The following TMEFF1 variants were observed in gnomAD, a reference collection of about 807,000 sequenced individuals.
TMEFF1 encodes transmembrane protein with EGF like and two follistatin like domains 1.
TMEFF1 carries 20 observed loss-of-function variants against 47.5 expected under a neutral mutation model. The observed-to-expected ratio is 0.42, with a 90% confidence interval of 0.30 to 0.61. The LOEUF (loss-of-function observed/expected upper bound fraction) is 0.61, where lower values mean the gene tolerates loss of function less well. TMEFF1 is among the 20% of genes least tolerant of loss of function. The pLI, the probability that TMEFF1 is intolerant of heterozygous loss-of-function variation, is 0.19. For synonymous variants in TMEFF1, 162 were observed against 166.3 expected, an observed-to-expected ratio of 0.97 and a Z score of 0.20; for missense variants, 411 against 471.1, an observed-to-expected ratio of 0.87 and a Z score of 1.18.
At chr9:100,562,304 T>G (rs528342052) in intron 8 of TMEFF1, among the ~76,000 whole-genome samples, 14 of 152,284 alleles carry the variant, frequency 9.2e-5, no homozygotes, top group African/African-American at 2.9e-4. Context: ...ACTATACTTT[T>G]CTTTTGTTTG....
chr9:100,516,602 T>G, intron 4 of TMEFF1, 73 bp from the exon 5 acceptor site: 2 of 1,552,358 alleles, frequency 1.3e-6, no homozygotes, highest in Non-Finnish European at 1.7e-6. Flanking sequence ...GGATAATGAC[T>G]GCTGAAAACA....
intron 7 of TMEFF1, among the ~76,000 whole-genome samples, chr9:100,555,162 G>C (rs1036625898): frequency 4.2e-5 from 6 of 144,480 alleles, no homozygotes; most frequent in East Asian, 2.0e-4. Flanking sequence ...TGTACACACA[G>C]ACACACACAC....
chr9:100,571,474 C>G (rs60422299), intron 8 of TMEFF1, among the ~76,000 whole-genome samples: 11,765 of 152,072 alleles, frequency 0.077, 520 homozygotes, highest in South Asian at 0.14. Context: ...TTTAAGTGTT[C>G]TCACCACAGA....
At chr9:100,522,707 T>C (rs1364122552) in intron 5 of TMEFF1, among the ~76,000 whole-genome samples, 1 of 151,664 alleles carries the variant, frequency 6.6e-6, no homozygotes, top group African/African-American at 2.4e-5. Flanking sequence ...AGTGCTGGGA[T>C]TACAGGCCTG....
intron 1 of TMEFF1, among the ~76,000 whole-genome samples, chr9:100,492,184 T>C (rs916104224): frequency 6.6e-6 from 1 of 152,176 alleles, no homozygotes; most frequent in Non-Finnish European, 1.5e-5. Context: ...GCACCTGGCC[T>C]CCTCTTTCTT....
chr9:100,533,866 G>A (rs888106574), intron 5 of TMEFF1, among the ~76,000 whole-genome samples: 1 of 152,044 alleles, frequency 6.6e-6, no homozygotes, highest in South Asian at 2.1e-4. Context: ...TTACAGGCGT[G>A]CACCACCATG....
At chr9:100,558,347 T>C (rs1838954706) in intron 7 of TMEFF1, among the ~76,000 whole-genome samples, 1 of 152,096 alleles carries the variant, frequency 6.6e-6, no homozygotes, top group Non-Finnish European at 1.5e-5. Flanking sequence ...TTATACCCTT[T>C]CATGACCATG....
rs150972306 is a variant in TMEFF1 at position 100,558,654 on chromosome 9, C to G, written c.776-2743C>G. On this transcript the variant is annotated intron_variant, in intron 7 of 9. Coordinates refer to ENST00000374879, the MANE Select transcript of TMEFF1 (RefSeq NM_003692.5). The stretch of plus-strand genomic sequence containing the variant: ...TTCACTAAGGAATTCAAGATGGAAA[C>G]CTTTATTGGATAATAATTTTGTCAA... 3.4e-3 allele frequency among the ~76,000 whole-genome samples: 510 copies of G among 151,718 alleles called. 3 individuals carry two copies. Among genetic ancestry groups the G allele is most frequent in the African/African-American group, 0.012 (478 of 41,362 alleles).
intron 9 of TMEFF1, 47 bp downstream of exon 9, chr9:100,572,723 A>G (rs769863431): frequency 6.4e-7 from 1 of 1,557,414 alleles, no homozygotes; most frequent in Non-Finnish European, 8.7e-7. Flanking sequence ...GAGGCAGGCA[A>G]CTGTTTATTT....
intron 5 of TMEFF1, among the ~76,000 whole-genome samples, chr9:100,532,538 A>G (rs985881224): frequency 3.9e-5 from 6 of 152,136 alleles, no homozygotes; most frequent in Non-Finnish European, 5.9e-5. Context: ...CCACAATGAG[A>G]TACCATCTCA....
intron 9 of TMEFF1, 84 bp downstream of exon 9, chr9:100,572,760 T>A: frequency 6.9e-7 from 1 of 1,450,072 alleles, no homozygotes; most frequent in African/African-American, 1.4e-5. Flanking sequence ...CACCAGTCTA[T>A]TAGGAAAAAT....
intron 1 of TMEFF1, among the ~76,000 whole-genome samples, chr9:100,488,878 TTA>T (rs1436224456): frequency 6.6e-6 from 1 of 152,214 alleles, no homozygotes; most frequent in Non-Finnish European, 1.5e-5. Context: ...GCAGCATGAT[TTA>T]TATGATTTAA....
intron 5 of TMEFF1, among the ~76,000 whole-genome samples, chr9:100,531,772 A>G (rs1206455121): frequency 1.3e-5 from 2 of 152,246 alleles, no homozygotes; most frequent in African/African-American, 2.4e-5. Context: ...AAGAGCCCGC[A>G]TTGCCAAGTC....
chr9:100,536,272 T>C (rs1462524899), intron 5 of TMEFF1, among the ~76,000 whole-genome samples: 1 of 152,214 alleles, frequency 6.6e-6, no homozygotes, highest in Non-Finnish European at 1.5e-5. Flanking sequence ...AGCCCATTTC[T>C]AGGGGTAATG....
intron 8 of TMEFF1, among the ~76,000 whole-genome samples, chr9:100,569,050 T>C (rs1340942766): frequency 6.6e-6 from 1 of 152,148 alleles, no homozygotes; most frequent in Non-Finnish European, 1.5e-5. Context: ...CATTTGCAAG[T>C]TTTTGTGTGA....
At chr9:100,515,367 A>G (rs568526263) in intron 4 of TMEFF1, among the ~76,000 whole-genome samples, 39 of 152,232 alleles carry the variant, frequency 2.6e-4, no homozygotes, top group Non-Finnish European at 4.9e-4. Context: ...GTTTGGGAGT[A>G]TTCATGAGAG....
chr9:100,563,951 C>A (rs1201631586), intron 8 of TMEFF1, among the ~76,000 whole-genome samples: 2 of 152,206 alleles, frequency 1.3e-5, no homozygotes, highest in African/African-American at 4.8e-5. Flanking sequence ...GCCATGATAT[C>A]ATGTGCACTT....
chr9:100,561,727 C>A (rs1839020009), intron 8 of TMEFF1, among the ~76,000 whole-genome samples: 1 of 149,166 alleles, frequency 6.7e-6, no homozygotes, highest in Non-Finnish European at 1.5e-5. Context: ...TTTTTTAGGG[C>A]TTAACATTTT....
intron 3 of TMEFF1, among the ~76,000 whole-genome samples, chr9:100,512,311 A>G (rs779037241): frequency 4.6e-4 from 70 of 152,206 alleles, no homozygotes; most frequent in Non-Finnish European, 1.6e-4. Flanking sequence ...AGATTTTACA[A>G]TGGGTACTGC....
Sources: allele counts gnomAD v4.1 joint callset (sites outside exome capture counted in the v4.1 genomes callset), GRCh38; gene constraint gnomAD v4.1.1; transcripts MANE v1.5; gene names NCBI Gene and HGNC (gene_info 2026-07-23, HGNC 2026-07-21).